ACTR3: variants seen among roughly 807,000 people sequenced by gnomAD.
The protein encoded by ACTR3 is actin-related protein 3.
A neutral mutation model predicts 56.8 loss-of-function variants in ACTR3; 12 were observed. That is an observed-to-expected ratio of 0.21 (90% CI 0.14 to 0.34). The LOEUF (loss-of-function observed/expected upper bound fraction) is 0.34, where lower values mean the gene tolerates loss of function less well. Ranked by LOEUF, ACTR3 falls within the 10% of genes least tolerant of loss-of-function variation. The probability of loss-of-function intolerance (pLI) is 1.00; values close to 1 mark genes in which losing one functional copy is unlikely to be tolerated. For missense variants in ACTR3, 282 were observed against 512.5 expected (o/e 0.55, Z 4.34); for synonymous variants, 162 against 167.4 (o/e 0.97, Z 0.25).
intron 6 of ACTR3, among the ~76,000 whole-genome samples, chr2:113,936,497 C>CT (rs1679830254): frequency 6.6e-6 from 1 of 152,088 alleles, no homozygotes; most frequent in African/African-American, 2.4e-5. Flanking sequence ...TAGTAAACAT[C>CT]TTTAACTTAC....
intron 1 of ACTR3, among the ~76,000 whole-genome samples, chr2:113,895,013 A>T (rs1678979198): frequency 6.6e-6 from 1 of 151,506 alleles, no homozygotes; most frequent in South Asian, 2.1e-4. Flanking sequence ...AATTTGATTC[A>T]CCTAATTAGA....
intron 7 of ACTR3, among the ~76,000 whole-genome samples, chr2:113,941,861 T>C (rs1350167214): frequency 2.0e-5 from 3 of 152,138 alleles, no homozygotes; most frequent in Admixed American, 6.5e-5. Flanking sequence ...CAGCACAAGA[T>C]TCATTATTAC....
At chr2:113,919,364 G>A (rs983699620) in intron 3 of ACTR3, among the ~76,000 whole-genome samples, 3 of 151,962 alleles carry the variant, frequency 2.0e-5, no homozygotes, top group African/African-American at 7.3e-5. Flanking sequence ...TTTTCCCTGT[G>A]TGTTATGTTT....
In ACTR3 at chr2:113,929,938, C is replaced by T. The variant is rs145682550; in HGVS notation, c.337-1363C>T. On this transcript the variant is annotated intron_variant, in intron 4 of 11. Transcript: ENST00000263238. ...AAGTAATCTGCCCACCTCGGCCTCC[C>T]AAAGTGCTGGGATTATAGATGTGAG... 2.0e-5 allele frequency among the ~76,000 whole-genome samples: 3 copies of T among 152,282 alleles called. No individual in the cohort carries two copies. In the East Asian group the frequency reaches 5.8e-4, roughly 29 times the overall value.
At chr2:113,949,926 G>A (rs552912445) in intron 8 of ACTR3, among the ~76,000 whole-genome samples, 2 of 152,244 alleles carry the variant, frequency 1.3e-5, no homozygotes, top group East Asian at 3.9e-4. Context: ...TTGAGTGCCA[G>A]CTGTTTGGAA....
Position 113,957,885 on chromosome 2 carries a change from G to T in ACTR3, c.*430G>T, listed in dbSNP as rs1370627968. On this transcript the variant is annotated 3_prime_UTR_variant, in exon 12 of 12. Transcript: ENST00000263238. ...AAAAAGTCAAAGAAAAATTGTATTT[G>T]AGGGAAAAAACCATGACCAAGTAAA... 6.5e-6 allele frequency: 1 copy of T among 153,574 alleles called. No individual in the cohort carries two copies. Among genetic ancestry groups the T allele is most frequent in the Non-Finnish European group, 1.5e-5 (1 of 68,758 alleles). The allele number at this position is 153,574 out of a possible 1,614,324, so 9.5% of individuals were successfully genotyped here.
chr2:113,895,356 A>G (rs1678987016), intron 1 of ACTR3, among the ~76,000 whole-genome samples: 1 of 152,186 alleles, frequency 6.6e-6, no homozygotes, highest in South Asian at 2.1e-4. Context: ...TGGCAGAGCC[A>G]CTACACTAGA....
intron 8 of ACTR3, among the ~76,000 whole-genome samples, chr2:113,943,351 C>G (rs1679958413): frequency 6.6e-6 from 1 of 152,072 alleles, no homozygotes; most frequent in Non-Finnish European, 1.5e-5. Context: ...GTATAGAGGA[C>G]AGATTGGTAG....
intron 1 of ACTR3, chr2:113,904,331 A>G (rs1389206747): frequency 6.6e-6 from 1 of 151,898 alleles, no homozygotes; most frequent in African/African-American, 2.4e-5. Flanking sequence ...GTTAATACTC[A>G]TTGTTGATTG....
intron 2 of ACTR3, among the ~76,000 whole-genome samples, chr2:113,913,920 G>T (rs35921649): frequency 1.3e-5 from 2 of 152,056 alleles, no homozygotes; most frequent in East Asian, 1.9e-4. Context: ...AACAGTTCAC[G>T]TTTTTTGTAC....
At chr2:113,921,333 T>C (rs1040330984) in intron 3 of ACTR3, among the ~76,000 whole-genome samples, 3 of 151,766 alleles carry the variant, frequency 2.0e-5, no homozygotes, top group Admixed American at 6.6e-5. Flanking sequence ...TTTTTTTTTT[T>C]CTTGCTGTTG....
intron 1 of ACTR3, among the ~76,000 whole-genome samples, chr2:113,892,192 A>G (rs754397797): frequency 1.3e-5 from 2 of 152,228 alleles, no homozygotes; most frequent in African/African-American, 4.8e-5. Context: ...CATTGAGATA[A>G]ACTGTCCTTA....
intron 8 of ACTR3, among the ~76,000 whole-genome samples, chr2:113,944,567 T>G (rs1574380105): frequency 8.8e-6 from 1 of 113,932 alleles, no homozygotes; most frequent in Non-Finnish European, 1.7e-5. Flanking sequence ...GCTAATATGG[T>G]GAAACCCCGT....
intron 11 of ACTR3, among the ~76,000 whole-genome samples, chr2:113,956,065 A>G (rs562212471): frequency 6.6e-6 from 1 of 151,644 alleles, no homozygotes; most frequent in African/African-American, 2.4e-5. Flanking sequence ...TATTATTATT[A>G]TTTTTTATTG....
rs901146318 is a variant in ACTR3 at position 113,959,696 on chromosome 2, G to A, written c.*2241G>A. On this transcript the variant is annotated 3_prime_UTR_variant, in exon 12 of 12. Coordinates refer to ENST00000263238, the MANE Select transcript of ACTR3 (RefSeq NM_005721.5). ...TATCTCTCCTCTGTGATTGTATACC[G>A]TTTTTTCAACTTAAAGCAACTTCAG... is the stretch of plus-strand genomic sequence containing the variant. 2.0e-5 allele frequency: 3 copies of A among 152,058 alleles called. No individual in the cohort carries two copies. Among genetic ancestry groups the A allele is most frequent in the South Asian group, 2.1e-4 (1 of 4,826 alleles). 9.4% of individuals were successfully genotyped at this position (152,058 alleles called of 1,614,324 possible).
chr2:113,952,471 GC>G (rs1187074495), intron 10 of ACTR3: 5 of 151,776 alleles, frequency 3.3e-5, no homozygotes, highest in Non-Finnish European at 7.4e-5. Flanking sequence ...GAATGATATG[GC>G]TTTTTTCAAA....
intron 6 of ACTR3, among the ~76,000 whole-genome samples, chr2:113,936,390 G>A (rs751047829): frequency 8.0e-5 from 12 of 150,542 alleles, no homozygotes; most frequent in African/African-American, 2.4e-4. Flanking sequence ...AATTAGTAGA[G>A]TATTTTTTAT....
chr2:113,940,078 C>T lies in ACTR3; in HGVS notation c.660C>T (p.Ser220=). 1.2e-6 allele frequency: 2 copies of T among 1,612,490 alleles called. No homozygotes were observed. The highest frequency in any genetic ancestry group is 1.7e-6 in the Non-Finnish European group (2 of 1,179,384). ...AAGTAGGAATCCCTCCAGAACAATC[C>T]TTGGAAACTGCTAAGGCAGTAAAGG... The part of the protein sequence containing the change: ...DREVGIPPEQ[S]LETAKAVKER... The change falls in exon 7 of 12, where the codon TCC becomes TCT. Residue 220 remains serine (S), a synonymous_variant. Transcript: ENST00000263238.
intron 1 of ACTR3, among the ~76,000 whole-genome samples, chr2:113,903,591 A>G (rs1349198120): frequency 6.8e-6 from 1 of 147,298 alleles, no homozygotes; most frequent in Non-Finnish European, 1.5e-5. Context: ...GCTAGAGTGC[A>G]GTAGCGCGAT....
Sources: gnomAD v4.1 joint callset for allele counts (sites outside exome capture counted in the v4.1 genomes callset) on GRCh38, gnomAD v4.1.1 for gene constraint, MANE v1.5 for transcripts, NCBI Gene and HGNC (gene_info 2026-07-23, HGNC 2026-07-21) for gene names.